Variants in L3MBTL4 observed in about 807,000 individuals in gnomAD.
L3MBTL4 encodes L3MBTL histone methyl-lysine binding protein 4, also known as lethal(3)malignant brain tumor-like protein 4.
L3MBTL4 carries 70 observed loss-of-function variants against 84.5 expected under a neutral mutation model. The ratio of observed to expected loss-of-function variants is 0.83; its 90% CI spans 0.68 to 1.01. The LOEUF is 1.01. L3MBTL4 is among the 50% of genes least tolerant of loss of function. The pLI is 0.00. For synonymous variants in L3MBTL4, 274 were observed against 259.8 expected, an observed-to-expected ratio of 1.05 and a Z score of -0.52; for missense variants, 715 against 754.8, an observed-to-expected ratio of 0.95 and a Z score of 0.62.
chr18:6,257,466 T>A (rs1022915682), intron 5 of L3MBTL4, among the ~76,000 whole-genome samples: 2 of 151,448 alleles, frequency 1.3e-5, no homozygotes, highest in African/African-American at 2.4e-5. Flanking sequence ...GTTGGAAAAA[T>A]CCAGAAAGAG....
intron 1 of L3MBTL4, among the ~76,000 whole-genome samples, chr18:6,337,800 A>T (rs1222653711): frequency 6.6e-6 from 1 of 152,152 alleles, no homozygotes; most frequent in Admixed American, 6.5e-5. Context: ...TATAAACCCT[A>T]AGTAAGATAA....
chr18:6,096,803 A>T (rs2058658996), intron 14 of L3MBTL4, among the ~76,000 whole-genome samples: 1 of 152,200 alleles, frequency 6.6e-6, no homozygotes, highest in African/African-American at 2.4e-5. Flanking sequence ...AGTTTCTATG[A>T]CTTAAAGTTC....
At position 6,414,733 on chromosome 18, in the gene L3MBTL4, G is replaced by A. The variant is rs997045741; in HGVS notation, c.-91+68C>T. 1.3e-5 allele frequency: 2 copies of A among 151,818 alleles called. No individual in the cohort carries two copies. Among genetic ancestry groups the A allele is most frequent in the African/African-American group, 2.4e-5 (1 of 41,382 alleles). The allele number at this position is 151,818 out of a possible 1,614,324, so 9.4% of individuals were successfully genotyped here. On this transcript the variant is annotated intron_variant, in intron 1 of 18. Transcript: ENST00000317931. This position sits in a 1 kb window ranked among gnomAD's most constrained non-coding sequence, Gnocchi z 5.4. ...CTGCCCGGGGATGGGGCCACCCCGC[G>A]CGGCGGCGGCCGTGGGCACCCACGC...
At chr18:6,403,941 T>C (rs960369014) in intron 1 of L3MBTL4, among the ~76,000 whole-genome samples, 11 of 152,238 alleles carry the variant, frequency 7.2e-5, no homozygotes, top group African/African-American at 2.4e-4. Flanking sequence ...ATAATGGGCT[T>C]TGCTGCAACT....
At chr18:6,371,949 C>T (rs1303134480) in intron 1 of L3MBTL4, among the ~76,000 whole-genome samples, 1 of 152,142 alleles carries the variant, frequency 6.6e-6, no homozygotes, top group African/African-American at 2.4e-5. Context: ...AGGCCTGAAG[C>T]CATAAAGAAG....
intron 5 of L3MBTL4, 130 bp from the exon 6 acceptor site, chr18:6,244,718 T>G (rs2047586736): frequency 1.5e-6 from 1 of 659,202 alleles, no homozygotes; most frequent in African/African-American, 1.8e-5. Context: ...GAATGGTGTC[T>G]ACCAGAGGCT....
chr18:6,155,274 C>T (rs1302400790), intron 13 of L3MBTL4, among the ~76,000 whole-genome samples: 1 of 152,208 alleles, frequency 6.6e-6, no homozygotes, highest in Non-Finnish European at 1.5e-5. Flanking sequence ...GCACTGAACG[C>T]AAATAAAATT....
At chr18:6,277,515 C>T (rs540574221) in intron 4 of L3MBTL4, among the ~76,000 whole-genome samples, 22 of 152,182 alleles carry the variant, frequency 1.4e-4, no homozygotes, top group Non-Finnish European at 2.8e-4. Context: ...ACCACCAGAA[C>T]GTTGGGGATT....
chr18:5,978,392 A>G (rs2053054100), intron 16 of L3MBTL4, among the ~76,000 whole-genome samples: 1 of 152,164 alleles, frequency 6.6e-6, no homozygotes, highest in Non-Finnish European at 1.5e-5. Flanking sequence ...TTAGTTTATT[A>G]TCTGCTTCAC....
chr18:6,163,268 G>GTGGGTGT (rs1341011839), intron 13 of L3MBTL4, among the ~76,000 whole-genome samples: 6 of 88,994 alleles, frequency 6.7e-5, no homozygotes, highest in Non-Finnish European at 1.4e-4. Context: ...GTGGGGGGGG[G>GTGGGTGT]GTGGGTGTGT....
At chr18:6,412,006 C>A (rs1314972176) in intron 1 of L3MBTL4, among the ~76,000 whole-genome samples, 34 of 152,046 alleles carry the variant, frequency 2.2e-4, no homozygotes, top group Admixed American at 2.2e-3. Context: ...TTTAACTTTT[C>A]TTTTCAGTTA....
chr18:6,217,320 G>T (rs141495064), intron 10 of L3MBTL4, among the ~76,000 whole-genome samples: 2 of 151,922 alleles, frequency 1.3e-5, no homozygotes, highest in Non-Finnish European at 2.9e-5. Flanking sequence ...CCCTACCCTC[G>T]CTTCCAACCA....
chr18:6,388,783 GGACACCGGCTGTGTTGA>G (rs1313112536), intron 1 of L3MBTL4, among the ~76,000 whole-genome samples: 1 of 152,192 alleles, frequency 6.6e-6, no homozygotes, highest in Non-Finnish European at 1.5e-5. Context: ...ACAGGCAGAT[GGACACCGGCTGTGTTGA>G]GACACCCTGG....
chr18:6,000,246 T>C (rs1433127694), intron 16 of L3MBTL4, among the ~76,000 whole-genome samples: 1 of 152,148 alleles, frequency 6.6e-6, no homozygotes, highest in African/African-American at 2.4e-5. Context: ...TGATCAGACA[T>C]TCTGACATGT....
chr18:6,107,659 A>G (rs2059055840), intron 14 of L3MBTL4, among the ~76,000 whole-genome samples: 1 of 152,214 alleles, frequency 6.6e-6, no homozygotes, highest in Non-Finnish European at 1.5e-5. Context: ...AGCTAAGATA[A>G]TAAACGTTGT....
chr18:6,068,338 G>T (rs1213542949), intron 16 of L3MBTL4, among the ~76,000 whole-genome samples: 1 of 152,152 alleles, frequency 6.6e-6, no homozygotes, highest in African/African-American at 2.4e-5. Flanking sequence ...GAGATGCATA[G>T]ATATATCTAA....
intron 17 of L3MBTL4, among the ~76,000 whole-genome samples, chr18:5,967,937 T>G (rs2052435425): frequency 6.6e-6 from 1 of 152,218 alleles, no homozygotes; most frequent in South Asian, 2.1e-4. Flanking sequence ...TGCCCAGAAT[T>G]CTGCCTTCTC....
intron 5 of L3MBTL4, among the ~76,000 whole-genome samples, chr18:6,250,018 C>T (rs146454994): frequency 3.5e-4 from 54 of 152,308 alleles, no homozygotes; most frequent in African/African-American, 1.3e-3. Flanking sequence ...ACAGGCAAAA[C>T]GAAACCTGGC....
chr18:6,056,939 A>G (rs572442614), intron 16 of L3MBTL4, among the ~76,000 whole-genome samples: 1 of 152,322 alleles, frequency 6.6e-6, no homozygotes, highest in Non-Finnish European at 1.5e-5. Flanking sequence ...CTAGATGAAC[A>G]TATTGTTATT....
Sources: gnomAD v4.1 joint callset for allele counts (sites outside exome capture counted in the v4.1 genomes callset) on GRCh38, gnomAD v4.1.1 for gene constraint, Gnocchi (gnomAD v3.1) non-coding constraint, MANE v1.5 for transcripts, NCBI Gene and HGNC (gene_info 2026-07-23, HGNC 2026-07-21) for gene names.